VOPP1: variants seen among roughly 807,000 people sequenced by gnomAD.
The protein encoded by VOPP1 is VOPP1 WW domain binding protein.
A neutral mutation model predicts 23.5 loss-of-function variants in VOPP1; 8 were observed. The ratio of observed to expected loss-of-function variants is 0.34; its 90% CI spans 0.20 to 0.61. The LOEUF (loss-of-function observed/expected upper bound fraction) is 0.61. Among genes scored for constraint, VOPP1 ranks in the 20% least tolerant of loss-of-function variants. The pLI is 0.78. For synonymous variants in VOPP1, 83 were observed against 97.3 expected, an observed-to-expected ratio of 0.85 and a Z score of 0.86; for missense variants, 174 against 238.1, an observed-to-expected ratio of 0.73 and a Z score of 1.77.
At chr7:55,525,350 G>A (rs28633735) in intron 1 of VOPP1, among the ~76,000 whole-genome samples, 15,825 of 152,060 alleles carry the variant, frequency 0.1, 983 homozygotes, top group East Asian at 0.27. Flanking sequence ...TTAGCCGGGC[G>A]TGGTGGTGGG....
chr7:55,567,757 C>T (rs1224101944), intron 1 of VOPP1, among the ~76,000 whole-genome samples: 3 of 152,170 alleles, frequency 2.0e-5, no homozygotes, highest in Non-Finnish European at 4.4e-5. Context: ...CGTGGAGTTT[C>T]CAGAGACAGC....
intron 1 of VOPP1, chr7:55,526,683 A>G (rs375176387): frequency 5.3e-5 from 8 of 152,366 alleles, no homozygotes; most frequent in African/African-American, 1.9e-4. Flanking sequence ...TTAGATAAAT[A>G]GCAGACAAAC....
chr7:55,572,197 T>A (rs1386894951), intron 1 of VOPP1, 74 bp downstream of exon 1: 1 of 1,332,698 alleles, frequency 7.5e-7, no homozygotes, highest in Admixed American at 2.3e-5. Flanking sequence ...CTGGGGCGCC[T>A]CGGAACTGCG....
At chr7:55,441,724 C>G (rs1287008711) in intron 4 of VOPP1, among the ~76,000 whole-genome samples, 9 of 152,162 alleles carry the variant, frequency 5.9e-5, no homozygotes, top group African/African-American at 1.9e-4. Flanking sequence ...CCACCCTCAC[C>G]CCCCAGGTCA....
At chr7:55,554,115 G>T (rs182230143) in intron 1 of VOPP1, among the ~76,000 whole-genome samples, 61 of 152,346 alleles carry the variant, frequency 4.0e-4, no homozygotes, top group Admixed American at 2.7e-3. Flanking sequence ...AGACAGAGAG[G>T]TATGCCAGTA....
In VOPP1 at chr7:55,462,663, T is replaced by TCTG. The variant is rs1402766954; in HGVS notation, n.418-26490_418-26489insCAG. 4.1e-5 allele frequency among the ~76,000 whole-genome samples: 6 copies of TCTG among 145,752 alleles called. 1 individual carries two copies. The highest frequency in any genetic ancestry group is 6.9e-5 in the Admixed American group (1 of 14,450). The stretch of plus-strand genomic sequence containing the variant: ...TTGAAACTCTTGATTATATTTTTTT[T>TCTG]TTTTTTTTTTGAGACGGAGTCTCGC... On this transcript the variant is annotated intron_variant and non_coding_transcript_variant, in intron 4 of 4. Transcript: ENST00000462326.
intron 4 of VOPP1, among the ~76,000 whole-genome samples, chr7:55,451,210 C>T (rs1014601601): frequency 2.6e-5 from 4 of 152,110 alleles, no homozygotes; most frequent in Non-Finnish European, 4.4e-5. Context: ...AGGAGTGGAA[C>T]GAGATCCTTT....
chr7:55,457,942 G>C (rs1358155413), intron 4 of VOPP1, among the ~76,000 whole-genome samples: 2 of 152,004 alleles, frequency 1.3e-5, no homozygotes, highest in Non-Finnish European at 2.9e-5. Context: ...AATCTTTTTA[G>C]CTTAATATAG....
chr7:55,559,480 C>T (rs543264343), intron 1 of VOPP1, among the ~76,000 whole-genome samples: 1 of 152,274 alleles, frequency 6.6e-6, no homozygotes, highest in South Asian at 2.1e-4. Flanking sequence ...GCCCAGATGT[C>T]GTGATTTTGA....
rs563098519 is a variant in VOPP1 at position 55,451,418 on chromosome 7, T to G, written n.418-15244A>C. Among the ~76,000 whole-genome samples, 3 of 152,356 alleles carry G rather than the reference T, an allele frequency of 2.0e-5. No individual in the cohort carries two copies. The South Asian group carries it at 6.2e-4, about 32-fold the overall frequency. On this transcript the variant is annotated intron_variant and non_coding_transcript_variant, in intron 4 of 4. Transcript: ENST00000462326. ...TTGGTTGCCCACTACATATAGAAGT[T>G]GTTTACATTATACTGTAGTCTATGA...
intron 3 of VOPP1, among the ~76,000 whole-genome samples, chr7:55,495,399 C>T (rs1412892343): frequency 6.6e-6 from 1 of 152,228 alleles, no homozygotes; most frequent in Non-Finnish European, 1.5e-5. Flanking sequence ...GGCAGCAGAG[C>T]AGCCCCTCCC....
intron 1 of VOPP1, among the ~76,000 whole-genome samples, chr7:55,529,436 A>G (rs1796376587): frequency 1.3e-5 from 2 of 151,516 alleles, no homozygotes; most frequent in Non-Finnish European, 2.9e-5. Context: ...AAGACCCAAC[A>G]CACATGTGCA....
intron 4 of VOPP1, among the ~76,000 whole-genome samples, chr7:55,462,888 C>T (rs1457816000): frequency 6.7e-6 from 1 of 148,406 alleles, no homozygotes; most frequent in Non-Finnish European, 1.5e-5. Flanking sequence ...GATCTCCTGA[C>T]CTCGTGATCC....
Position 55,446,861 on chromosome 7 carries a change from A to G in VOPP1, n.418-10687T>C, listed in dbSNP as rs890621748. ...TAACAAAACAACTGAACAGGAATTTATTCTTTCAGATGATAAACCTAGAAT... is the reference window on the plus strand; with the variant it reads ...TAACAAAACAACTGAACAGGAATTTGTTCTTTCAGATGATAAACCTAGAAT... On this transcript the variant is annotated intron_variant and non_coding_transcript_variant, in intron 4 of 4. Coordinates refer to the VOPP1 transcript ENST00000462326. 1.7e-3 allele frequency among the ~76,000 whole-genome samples: 257 copies of G among 152,368 alleles called. 1 individual carries two copies. Among genetic ancestry groups the G allele is most frequent in the African/African-American group, 5.8e-3 (243 of 41,590 alleles).
intron 4 of VOPP1, among the ~76,000 whole-genome samples, chr7:55,442,963 C>CA (rs1791003768): frequency 6.6e-6 from 1 of 151,604 alleles, no homozygotes; most frequent in Non-Finnish European, 1.5e-5. Context: ...AAACAAAATA[C>CA]AAAAAATTAG....
intron 1 of VOPP1, among the ~76,000 whole-genome samples, chr7:55,547,481 T>A (rs1179343995): frequency 6.6e-6 from 1 of 152,176 alleles, no homozygotes; most frequent in Non-Finnish European, 1.5e-5. Context: ...CCAATAAACC[T>A]TGCCAACTTT....
downstream of VOPP1, among the ~76,000 whole-genome samples, chr7:55,435,124 G>A (rs1325790814): frequency 1.3e-5 from 2 of 152,194 alleles, no homozygotes; most frequent in East Asian, 3.8e-4. Flanking sequence ...TCATAGTCTG[G>A]TGAGAGACTG....
rs6593257 is a variant in VOPP1 at position 55,544,134 on chromosome 7, G to T, written c.55-23004C>A. Reference sequence around the variant, plus strand: ...TACTTTCATTCTTCTTCATATGGATGTACAGTTTTCCCAGCACCATTTATT... The same window carrying T: ...TACTTTCATTCTTCTTCATATGGATTTACAGTTTTCCCAGCACCATTTATT... On this transcript the variant is annotated intron_variant, in intron 1 of 4. Coordinates refer to ENST00000285279, the MANE Select transcript of VOPP1 (RefSeq NM_030796.5). 7.9e-5 allele frequency among the ~76,000 whole-genome samples: 12 copies of T among 152,268 alleles called. No individual in the cohort carries two copies. In the South Asian group the frequency reaches 1.2e-3, roughly 16 times the overall value.
chr7:55,462,889 C>T (rs1791539602), intron 4 of VOPP1, among the ~76,000 whole-genome samples: 1 of 148,406 alleles, frequency 6.7e-6, no homozygotes, highest in African/African-American at 2.4e-5. Context: ...ATCTCCTGAC[C>T]TCGTGATCCG....
Sources: allele counts gnomAD v4.1 joint callset (sites outside exome capture counted in the v4.1 genomes callset), GRCh38; gene constraint gnomAD v4.1.1; transcripts MANE v1.5; gene names NCBI Gene and HGNC (gene_info 2026-07-23, HGNC 2026-07-21).